Variants in LAMA4 observed in about 807,000 individuals in gnomAD.
LAMA4 encodes the protein laminin subunit alpha-4.
In LAMA4, 127 loss-of-function variants were observed where a neutral mutation model predicts 207.1. The ratio of observed to expected loss-of-function variants is 0.61; its 90% CI spans 0.53 to 0.71. LAMA4 has a LOEUF of 0.71. LAMA4 is among the 30% of genes least tolerant of loss of function. LAMA4 has a pLI of 0.00. For synonymous variants in LAMA4, 761 were observed against 816.0 expected (o/e 0.93, Z 1.15); for missense variants, 2,093 against 2,246.5 (o/e 0.93, Z 1.38).
chr6:112,190,978 TTCTTTCTTTCC>T (rs1314239981), intron 6 of LAMA4, among the ~76,000 whole-genome samples: 4 of 148,224 alleles, frequency 2.7e-5, no homozygotes, highest in African/African-American at 9.9e-5. Flanking sequence ...CTTTCTTTCT[TTCTTTCTTTCC>T]TCTTTCTTTC....
chr6:112,133,174 C>T (rs1779143089), intron 27 of LAMA4, among the ~76,000 whole-genome samples, 175 bp downstream of exon 27: 1 of 152,164 alleles, frequency 6.6e-6, no homozygotes, highest in Non-Finnish European at 1.5e-5. Context: ...GAACAAGTCA[C>T]AGAGGAACCC....
At chr6:112,243,990 G>A (rs1455537924) in intron 2 of LAMA4, among the ~76,000 whole-genome samples, 1 of 152,116 alleles carries the variant, frequency 6.6e-6, no homozygotes, top group African/African-American at 2.4e-5. Flanking sequence ...CCTGGGAGGC[G>A]GATGTGGCAG....
At chr6:112,198,289 A>G (rs1554351139) in intron 5 of LAMA4, among the ~76,000 whole-genome samples, 1 of 152,216 alleles carries the variant, frequency 6.6e-6, no homozygotes, top group Non-Finnish European at 1.5e-5. Context: ...ACTTGACTCA[A>G]TGATCTCTAA....
Position 112,136,212 on chromosome 6 carries a change from C to T in LAMA4, c.3325G>A (p.Val1109Met), listed in dbSNP as rs1554331522. ...CCGCTGAATCCAAAATCATAGAACA[C>T]ATGTAGGTAACCATTGCGCATTTCC... ...RLEMRNGYLH[V>M]FYDFGFSGGP... Residue 1109 changes from valine to methionine, a missense_variant, in exon 25 of 39, where the codon GTG becomes ATG. Physicochemically the swap from Val to Met is conservative, Grantham distance 21 (BLOSUM62 1). Coordinates refer to ENST00000230538, the MANE Select transcript of LAMA4 (RefSeq NM_001105206.3). 1.2e-6 allele frequency: 2 copies of T among 1,612,338 alleles called. No individual in the cohort carries two copies. Among genetic ancestry groups the T allele is most frequent in the South Asian group, 1.1e-5 (1 of 91,044 alleles).
At chr6:112,189,050 C>T in intron 7 of LAMA4, 60 bp downstream of exon 7, 6 of 1,250,136 alleles carry the variant, frequency 4.8e-6, no homozygotes, top group Non-Finnish European at 4.7e-6. Flanking sequence ...TTTTCTTAAT[C>T]CCACACCTGC....
chr6:112,207,045 G>C lies in LAMA4; in HGVS notation c.398C>G (p.Pro133Arg), dbSNP rs876657842. 1.9e-6 allele frequency: 3 copies of C among 1,613,846 alleles called. No homozygotes were observed. Among genetic ancestry groups the C allele is most frequent in the Non-Finnish European group, 2.5e-6 (3 of 1,179,960 alleles). The change falls in exon 4 of 39, where the codon CCC becomes CGC. Residue 133 changes from proline to arginine, a missense_variant. Physicochemically the swap from Pro to Arg is moderately radical, Grantham distance 103. This residue lies in a region of LAMA4 where 1,704 missense variants were observed against 1,788.4 expected (regional missense o/e 0.95). Transcript: ENST00000230538. Reference protein sequence around the residue: ...RGAPQFCQPCPCPLPHLANFA... With the variant: ...RGAPQFCQPCRCPLPHLANFA... ...CTTGGCCAAGTGGGGCAGGGGACAG[G>C]GGCACGGCTGGCAGAATTGGGGTGC... is the stretch of plus-strand genomic sequence containing the variant.
At chr6:112,192,818 G>A (rs1485978518) in intron 5 of LAMA4, among the ~76,000 whole-genome samples, 16 of 152,228 alleles carry the variant, frequency 1.1e-4, no homozygotes, top group Admixed American at 1.0e-3. Flanking sequence ...TGAGTGGTGG[G>A]CCTGTAGGCC....
At chr6:112,143,227 A>G (rs1554333748) in intron 19 of LAMA4, among the ~76,000 whole-genome samples, 1 of 150,776 alleles carries the variant, frequency 6.6e-6, no homozygotes, top group Admixed American at 6.6e-5. Context: ...TCAAGGCTCT[A>G]TTTCCAAATG....
chr6:112,229,278 C>G (rs1785408678), intron 2 of LAMA4, among the ~76,000 whole-genome samples: 1 of 152,152 alleles, frequency 6.6e-6, no homozygotes, highest in Non-Finnish European at 1.5e-5. Flanking sequence ...TTCTCACTTT[C>G]TTTGTTGGTG....
rs368543835 is a variant in LAMA4 at position 112,142,183 on chromosome 6, G to A, written c.2603C>T (p.Pro868Leu). ...FTSLSLYMKPPVKRPELTETA... is the reference protein window; with the variant it reads ...FTSLSLYMKPLVKRPELTETA... ...CTCGGTCAGTTCCGGCCGCTTCACAGGGGGTTTCATGTACAGGCTCAGAGA... is the reference window on the plus strand; with the variant it reads ...CTCGGTCAGTTCCGGCCGCTTCACAAGGGGTTTCATGTACAGGCTCAGAGA... Residue 868 changes from proline to leucine, a missense_variant, in exon 20 of 39, where the codon CCT becomes CTT. Transcript: ENST00000230538. 1.2e-6 allele frequency: 2 copies of A among 1,613,984 alleles called. No homozygotes were observed. The highest frequency in any genetic ancestry group is 1.3e-5 in the African/African-American group (1 of 74,904).
intron 3 of LAMA4, among the ~76,000 whole-genome samples, chr6:112,211,640 G>A (rs546201608): frequency 1.7e-4 from 26 of 152,320 alleles, no homozygotes; most frequent in African/African-American, 5.5e-4. Context: ...TGAGGGAAAG[G>A]CAGCTTTTAG....
intron 16 of LAMA4, among the ~76,000 whole-genome samples, chr6:112,151,666 G>C (rs1189098776): frequency 1.3e-5 from 2 of 152,042 alleles, no homozygotes; most frequent in African/African-American, 4.8e-5. Context: ...ATTTCCCAAT[G>C]TCGTATGTAA....
rs1272214897 is a variant in LAMA4 at position 112,254,083 on chromosome 6, C to A, written c.68G>T (p.Arg23Leu). 2 of 1,611,884 alleles carry A rather than the reference C, an allele frequency of 1.2e-6. No individual in the cohort carries two copies. The highest frequency in any genetic ancestry group is 3.3e-5 in the Admixed American group (2 of 59,828). ...AGCGTTGTCGTCCCCGGACGCGGCG[C>A]GGGAGCAGGCAGCGCTCCAGAGGAG... The part of the protein sequence containing the change: ...LWLLWSAACS[R>L]AASGDDNAFP... Residue 23 changes from arginine to leucine, a missense_variant, in exon 2 of 39, where the codon CGC (arginine) becomes CTC (leucine). This residue lies in a region of LAMA4 where 1,704 missense variants were observed against 1,788.4 expected (regional missense o/e 0.95). Transcript: ENST00000230538.
intron 29 of LAMA4, among the ~76,000 whole-genome samples, 169 bp downstream of exon 29, chr6:112,130,799 C>A (rs1778990970): frequency 6.6e-6 from 1 of 152,116 alleles, no homozygotes; most frequent in African/African-American, 2.4e-5. Flanking sequence ...TTTTACATGT[C>A]TTGGAAACTA....
At chr6:112,190,970 TTCTTTCTTTCTTTCTTTCC>T in intron 6 of LAMA4, among the ~76,000 whole-genome samples, 1 of 147,066 alleles carries the variant, frequency 6.8e-6, no homozygotes, top group Non-Finnish European at 1.5e-5. Flanking sequence ...CTTTCTTTCT[TTCTTTCTTTCTTTCTTTCC>T]TCTTTCTTTC....
chr6:112,198,867 G>A (rs1448736470), intron 5 of LAMA4, among the ~76,000 whole-genome samples: 2 of 152,088 alleles, frequency 1.3e-5, no homozygotes, highest in Non-Finnish European at 2.9e-5. Context: ...AAACTTTGCA[G>A]TATTATCTCA....
chr6:112,137,930 A>G (rs1331999847), intron 24 of LAMA4, among the ~76,000 whole-genome samples: 6 of 152,202 alleles, frequency 3.9e-5, no homozygotes, highest in Admixed American at 3.9e-4. Flanking sequence ...GGGTATTATC[A>G]TAATAATGGA....
Position 112,129,027 on chromosome 6 carries a change from C to A in LAMA4, c.4182G>T (p.Lys1394Asn). 1.2e-6 allele frequency: 2 copies of A among 1,613,050 alleles called. No homozygotes were observed. Among genetic ancestry groups the A allele is most frequent in the Non-Finnish European group, 8.5e-7 (1 of 1,179,208 alleles). Residue 1394 changes from lysine (K) to asparagine (N), a missense_variant, in exon 31 of 39, where the codon AAG becomes AAT. Lys to Asn is a moderately conservative substitution (Grantham distance 94). This residue lies in a region of LAMA4 where 1,704 missense variants were observed against 1,788.4 expected (regional missense o/e 0.95). Transcript: ENST00000230538. ...EVEDFQRYTEKVHTSLYECPI... is the reference protein window; with the variant it reads ...EVEDFQRYTENVHTSLYECPI... ...GACACTCATAAAGAGAAGTGTGGAC[C>A]TTTTCAGTATACCGTTGGAAATCTT...
At chr6:112,226,209 T>C (rs1785201792) in intron 2 of LAMA4, among the ~76,000 whole-genome samples, 1 of 152,220 alleles carries the variant, frequency 6.6e-6, no homozygotes, top group South Asian at 2.1e-4. Context: ...AATTAAAAAC[T>C]CTTATCGTAC....
Sources: gnomAD v4.1 joint callset for allele counts (sites outside exome capture counted in the v4.1 genomes callset) on GRCh38, gnomAD v4.1.1 for gene constraint, gnomAD v4.1.1 regional missense constraint, MANE v1.5 for transcripts, NCBI Gene and HGNC (gene_info 2026-07-23, HGNC 2026-07-21) for gene names.